The following BRD10 variants were observed in gnomAD, a reference collection of about 807,000 sequenced individuals.
The protein encoded by BRD10 is bromodomain containing 10.
At chr9:5,922,322 G>A in the BRD10 span, 2 of 1,613,980 alleles carry the variant, frequency 1.2e-6, no homozygotes, top group Admixed American at 1.7e-5. Context: ...GGTCGGTGAA[G>A]CACTGGGCAA....
the BRD10 span, chr9:5,919,759 G>A: frequency 2.5e-6 from 4 of 1,613,478 alleles, no homozygotes; most frequent in Non-Finnish European, 3.4e-6. Flanking sequence ...GACTTCGACT[G>A]GCAGATACAA....
chr9:5,942,802 A>G, the BRD10 span, among the ~76,000 whole-genome samples: 1 of 152,210 alleles, frequency 6.6e-6, no homozygotes, highest in Non-Finnish European at 1.5e-5. Flanking sequence ...AAATCAACTA[A>G]ACCCTAGGGT....
the BRD10 span, chr9:5,920,028 C>A: frequency 6.2e-7 from 1 of 1,613,920 alleles, no homozygotes; most frequent in Non-Finnish European, 8.5e-7. Flanking sequence ...GGAACCTTAG[C>A]AGTTGTGTTT....
chr9:6,003,868 A>T, the BRD10 span, among the ~76,000 whole-genome samples: 1 of 152,238 alleles, frequency 6.6e-6, no homozygotes, highest in Admixed American at 6.5e-5. Flanking sequence ...AAGGTAAAAT[A>T]ATAACAGAAC....
At chr9:6,007,914 C>T in the BRD10 span, 17 of 1,338,904 alleles carry the variant, frequency 1.3e-5, no homozygotes, top group Non-Finnish European at 1.6e-5. Flanking sequence ...GCCTGGCTCT[C>T]CTCAGCCGCC....
the BRD10 span, among the ~76,000 whole-genome samples, chr9:5,940,920 A>G: frequency 3.3e-5 from 5 of 152,230 alleles, no homozygotes; most frequent in Non-Finnish European, 7.3e-5. Context: ...AATATTTATA[A>G]GACTTTCATT....
the BRD10 span, among the ~76,000 whole-genome samples, chr9:5,897,119 G>A: frequency 6.6e-6 from 1 of 152,342 alleles, no homozygotes. Context: ...ATAAGCTAAT[G>A]AATGTTTAGC....
the BRD10 span, among the ~76,000 whole-genome samples, chr9:5,917,002 T>C: frequency 6.6e-6 from 1 of 152,174 alleles, no homozygotes. Context: ...ATTAATCGAA[T>C]TTCTAGTTTA....
At chr9:5,998,842 C>A in the BRD10 span, among the ~76,000 whole-genome samples, 3 of 151,958 alleles carry the variant, frequency 2.0e-5, no homozygotes, top group African/African-American at 7.2e-5. Context: ...CACTAGCGTA[C>A]TAGAATTGTA....
chr9:5,902,430 T>C, the BRD10 span, among the ~76,000 whole-genome samples: 52 of 152,264 alleles, frequency 3.4e-4, no homozygotes, highest in Non-Finnish European at 2.2e-4. Context: ...TTTGGTTTCA[T>C]TGATTTACTC....
chr9:5,908,716 C>T, the BRD10 span: 15 of 1,610,942 alleles, frequency 9.3e-6, no homozygotes, highest in African/African-American at 1.1e-4. Flanking sequence ...TAAGAGCCAG[C>T]GAGACACCTG....
the BRD10 span, chr9:5,919,541 A>ACAC: frequency 4.1e-5 from 5 of 120,656 alleles, no homozygotes; most frequent in Non-Finnish European, 6.1e-5. Context: ...AAGATACATT[A>ACAC]AAACACACAC....
At chr9:5,992,339 C>T in the BRD10 span, among the ~76,000 whole-genome samples, 1 of 152,094 alleles carries the variant, frequency 6.6e-6, no homozygotes. Flanking sequence ...TAAATTCACA[C>T]ACATAATTAA....
chr9:5,889,900 A>G, the BRD10 span, among the ~76,000 whole-genome samples: 1 of 152,238 alleles, frequency 6.6e-6, no homozygotes, highest in African/African-American at 2.4e-5. Context: ...TCTACCTGCA[A>G]AAAGAAAATT....
chr9:5,977,895 C>T, the BRD10 span, among the ~76,000 whole-genome samples: 6 of 151,882 alleles, frequency 4.0e-5, no homozygotes, highest in Admixed American at 6.6e-5. Flanking sequence ...ACAAAGCCAT[C>T]TTCCAGAATT....
chr9:5,952,065 G>A, the BRD10 span, among the ~76,000 whole-genome samples: 1 of 150,698 alleles, frequency 6.6e-6, no homozygotes, highest in South Asian at 2.1e-4. Flanking sequence ...TCATTGCCCA[G>A]CCTGGAGTGC....
the BRD10 span, chr9:5,920,360 T>C: frequency 1.9e-6 from 3 of 1,613,712 alleles, no homozygotes; most frequent in African/African-American, 1.3e-5. Context: ...TGTACTGGTA[T>C]TGATGACTAT....
chr9:5,904,491 C>A, the BRD10 span, among the ~76,000 whole-genome samples: 1 of 152,090 alleles, frequency 6.6e-6, no homozygotes, highest in African/African-American at 2.4e-5. Flanking sequence ...CTTTTTGAGA[C>A]AGAATCTCAC....
the BRD10 span, chr9:5,924,758 A>G: frequency 3.7e-6 from 6 of 1,606,726 alleles, no homozygotes; most frequent in African/African-American, 8.0e-5. Flanking sequence ...GATCTCCTTC[A>G]CCTTCATCAG....
Sources: allele counts gnomAD v4.1 joint callset (sites outside exome capture counted in the v4.1 genomes callset), GRCh38; gene constraint gnomAD v4.1.1; transcripts MANE v1.5; gene names NCBI Gene and HGNC (gene_info 2026-07-23, HGNC 2026-07-21).